The following PRRC2C variants were observed in gnomAD, a reference collection of about 807,000 sequenced individuals.
The protein encoded by PRRC2C is proline rich coiled-coil 2C.
PRRC2C carries 72 observed loss-of-function variants against 317.2 expected under a neutral mutation model. The ratio of observed to expected loss-of-function variants is 0.23; its 90% CI spans 0.19 to 0.28. The LOEUF (loss-of-function observed/expected upper bound fraction) is 0.28, where lower values mean the gene tolerates loss of function less well. Ranked by LOEUF, PRRC2C falls within the 10% of genes least tolerant of loss-of-function variation. The probability of loss-of-function intolerance (pLI) is 1.00; values close to 1 mark genes in which losing one functional copy is unlikely to be tolerated. For missense variants in PRRC2C, 3,074 were observed against 3,459.7 expected, an observed-to-expected ratio of 0.89 and a Z score of 2.80; for synonymous variants, 1,296 against 1,205.9, an observed-to-expected ratio of 1.07 and a Z score of -1.55.
At chr1:171,552,987 G>A (rs541380649) in intron 18 of PRRC2C, among the ~76,000 whole-genome samples, 32 of 152,180 alleles carry the variant, frequency 2.1e-4, no homozygotes, top group Non-Finnish European at 4.1e-4. Flanking sequence ...AAATGAGTTA[G>A]GGAGGATTCC....
intron 11 of PRRC2C, among the ~76,000 whole-genome samples, chr1:171,531,786 A>T (rs1675941859): frequency 6.6e-6 from 1 of 152,224 alleles, no homozygotes; most frequent in Non-Finnish European, 1.5e-5. Flanking sequence ...GTCTAAAGAT[A>T]GAACTTTTCT....
chr1:171,588,345 TTACTA>T (rs756713340), intron 32 of PRRC2C, 29 bp from the exon 33 acceptor site: 1 of 1,608,286 alleles, frequency 6.2e-7, no homozygotes, highest in Non-Finnish European at 8.5e-7. Context: ...TTACTTGGTA[TTACTA>T]TACTGACTAG....
At chr1:171,550,457 A>G (rs1259225451) in intron 18 of PRRC2C, among the ~76,000 whole-genome samples, 2 of 124,920 alleles carry the variant, frequency 1.6e-5, no homozygotes, top group Non-Finnish European at 3.3e-5. Flanking sequence ...GACTTACAGC[A>G]AAGACCATCT....
chr1:171,516,040 A>AT (rs1464520395), intron 5 of PRRC2C, among the ~76,000 whole-genome samples, 181 bp downstream of exon 5: 2 of 152,218 alleles, frequency 1.3e-5, no homozygotes, highest in African/African-American at 4.8e-5. Flanking sequence ...ACTTGAGAAC[A>AT]TGTTAGAAAT....
intron 10 of PRRC2C, 26 bp downstream of exon 10, chr1:171,524,991 G>T: frequency 6.5e-7 from 1 of 1,537,930 alleles, no homozygotes; most frequent in Non-Finnish European, 8.8e-7. Context: ...GGAGATCCTT[G>T]TTATTGCAAG....
chr1:171,564,225 C>T (rs987952604), intron 20 of PRRC2C, among the ~76,000 whole-genome samples: 7 of 152,076 alleles, frequency 4.6e-5, no homozygotes, highest in East Asian at 3.8e-4. Context: ...AAGTTATCAA[C>T]GTTAGTTACA....
chr1:171,498,817 T>C (rs569599135), intron 1 of PRRC2C, among the ~76,000 whole-genome samples: 26 of 152,294 alleles, frequency 1.7e-4, no homozygotes, highest in Non-Finnish European at 2.9e-4. Flanking sequence ...TTTCTTTTTT[T>C]TGTTTTTGGA....
chr1:171,557,718 C>T lies in PRRC2C; in HGVS notation c.5606C>T (p.Ala1869Val). The T allele has an allele frequency of 6.4e-7, 1 of 1,551,606 alleles. No homozygotes were observed. Among genetic ancestry groups the T allele is most frequent in the East Asian group, 2.4e-5 (1 of 40,920 alleles). The change falls in exon 19 of 35, where the codon GCC becomes GTC. Residue 1869 changes from alanine (A) to valine (V), a missense_variant. Around this residue, in one of 11 missense-constraint regions of PRRC2C, gnomAD observed 640 missense variants for 676.1 expected, o/e 0.95. Transcript: ENST00000647382. Reference protein sequence around the residue: ...ASASIPILASALASTSAPTPA... With the variant: ...ASASIPILASVLASTSAPTPA... ...GCCTCAATTCCCATTCTTGCTTCAG[C>T]CCTAGCATCAACTTCAGCTCCAACG...
Position 171,527,774 on chromosome 1 carries a change from TTTC to T in PRRC2C, c.1201-11_1201-9del. On this transcript the variant is annotated splice_polypyrimidine_tract_variant and intron_variant, in intron 10 of 34. Coordinates refer to ENST00000647382, the MANE Select transcript of PRRC2C (RefSeq NM_001387844.1). ...GTCTCCAAAATAATAAGAATAATTC[TTTC>T]TTCTTTATAATAGGAACGTGGAACA... 6.4e-7 allele frequency: 1 copy of T among 1,550,552 alleles called. No individual in the cohort carries two copies. The highest frequency in any genetic ancestry group is 1.4e-5 in the African/African-American group (1 of 73,138).
intron 13 of PRRC2C, among the ~76,000 whole-genome samples, chr1:171,535,799 C>A (rs1676717573): frequency 6.6e-6 from 1 of 152,192 alleles, no homozygotes; most frequent in African/African-American, 2.4e-5. Flanking sequence ...CATTTATAGA[C>A]ACCATCTTCC....
At chr1:171,545,772 C>T (rs1679007119) in intron 17 of PRRC2C, 85 bp downstream of exon 17, 7 of 942,462 alleles carry the variant, frequency 7.4e-6, no homozygotes, top group African/African-American at 1.8e-5. Context: ...ATGTAGATGC[C>T]ACAATTAAAG....
rs1677632865 is a variant in PRRC2C, at chr1:171,539,839, A to G, written c.2505-132A>G. On this transcript the variant is annotated intron_variant, in intron 15 of 34. Coordinates refer to ENST00000647382, the MANE Select transcript of PRRC2C (RefSeq NM_001387844.1). The stretch of plus-strand genomic sequence containing the variant: ...TGAGTAATTCTCCTCTAAACTTTTT[A>G]TATAGCGAGAGAAAGATTCTCATTA... The G allele has an allele frequency of 2.0e-5, 17 of 829,978 alleles. No individual in the cohort carries two copies. In the South Asian group the frequency reaches 3.2e-4, roughly 16 times the overall value. 51.4% of individuals were successfully genotyped at this position (829,978 alleles called of 1,614,324 possible).
intron 14 of PRRC2C, 95 bp downstream of exon 14, chr1:171,536,373 A>C: frequency 7.4e-7 from 1 of 1,355,486 alleles, no homozygotes; most frequent in Non-Finnish European, 1.0e-6. Context: ...TCTAGGAAAA[A>C]CTTAAACCTC....
At chr1:171,581,648 T>G (rs933107828) in intron 28 of PRRC2C, among the ~76,000 whole-genome samples, 2 of 152,226 alleles carry the variant, frequency 1.3e-5, no homozygotes, top group African/African-American at 4.8e-5. Context: ...GCATAGTGTT[T>G]ATTAGGGAAT....
chr1:171,579,311 A>G (rs1282585864), intron 26 of PRRC2C, 43 bp from the exon 27 acceptor site: 4 of 1,542,180 alleles, frequency 2.6e-6, no homozygotes, highest in Non-Finnish European at 3.5e-6. Context: ...AAATTCTGAA[A>G]TTAGGACACT....
chr1:171,494,782 C>A (rs182615455), intron 1 of PRRC2C, among the ~76,000 whole-genome samples: 157 of 152,172 alleles, frequency 1.0e-3, no homozygotes, highest in Non-Finnish European at 1.9e-3. Flanking sequence ...ACCCTGCCCC[C>A]CTCCCTCAAG....
At chr1:171,517,887 A>G in intron 6 of PRRC2C, 73 bp downstream of exon 6, 1 of 1,321,624 alleles carries the variant, frequency 7.6e-7, no homozygotes, top group Non-Finnish European at 1.0e-6. Context: ...GAATTGTTAT[A>G]GGGAAAAGTT....
rs770778609 is a variant in PRRC2C at position 171,566,619 on chromosome 1, A to G, written c.6334A>G (p.Lys2112Glu). ...KLPDLSPVEN[K>E]EHKPGPIGKE... is the part of the protein sequence containing the mutation. Reference sequence around the variant, plus strand: ...TCCAGATTTGAGTCCAGTAGAAAACAAAGAACACAAACCTGGTCCCATTGG... The same window carrying G: ...TCCAGATTTGAGTCCAGTAGAAAACGAAGAACACAAACCTGGTCCCATTGG... The change falls in exon 22 of 35, where the codon AAA becomes GAA. Residue 2112 changes from lysine to glutamate, a missense_variant. By Grantham distance (56) the Lys-to-Glu change is moderately conservative. Transcript: ENST00000647382. 2 of 1,594,246 alleles carry G rather than the reference A, an allele frequency of 1.3e-6. No individual in the cohort carries two copies. The highest frequency in any genetic ancestry group is 2.3e-5 in the East Asian group (1 of 44,394).
In PRRC2C at chr1:171,542,746, G is replaced by A. The variant is rs1236958260; in HGVS notation, c.4763+517G>A. The stretch of plus-strand genomic sequence containing the variant: ...TAAAAAAATATTTTTTCTCAAGTAA[G>A]CTAAACTTGGCCTGTTTTTTGTTGT... On this transcript the variant is annotated intron_variant, in intron 16 of 34. Transcript: ENST00000647382. 2.0e-5 allele frequency among the ~76,000 whole-genome samples: 3 copies of A among 152,072 alleles called. No homozygotes were observed. In the East Asian group the frequency reaches 5.8e-4, roughly 30 times the overall value.
Sources: allele counts gnomAD v4.1 joint callset (sites outside exome capture counted in the v4.1 genomes callset), GRCh38; gene constraint gnomAD v4.1.1; regional missense constraint gnomAD v4.1.1; transcripts MANE v1.5; gene names NCBI Gene and HGNC (gene_info 2026-07-23, HGNC 2026-07-21).